The following HIP1 variants were observed in gnomAD, a reference collection of about 807,000 sequenced individuals.
HIP1 encodes the protein huntingtin-interacting protein 1.
A neutral mutation model predicts 147.6 loss-of-function variants in HIP1; 65 were observed. The ratio of observed to expected loss-of-function variants is 0.44; its 90% CI spans 0.36 to 0.54. The LOEUF is 0.54. HIP1 is among the 20% of genes least tolerant of loss of function. The pLI is 0.00. For missense variants in HIP1, 1,061 were observed against 1,299.6 expected (o/e 0.82, Z 2.82); for synonymous variants, 479 against 504.0 (o/e 0.95, Z 0.67).
chr7:75,694,162 C>T (rs1554518513), intron 1 of HIP1, among the ~76,000 whole-genome samples: 1 of 152,096 alleles, frequency 6.6e-6, no homozygotes, highest in East Asian at 1.9e-4. Flanking sequence ...TCGTGATCCA[C>T]CCACCTCGGC....
At chr7:75,557,520 C>T (rs1795060922) in intron 16 of HIP1, 134 bp downstream of exon 16, 1 of 723,100 alleles carries the variant, frequency 1.4e-6, no homozygotes, top group Admixed American at 1.8e-5. Context: ...TCTGTGTGGC[C>T]ACCATGGTGT....
intron 7 of HIP1, 72 bp from the exon 8 acceptor site, chr7:75,573,973 G>A: frequency 7.1e-7 from 1 of 1,406,638 alleles, no homozygotes; most frequent in Non-Finnish European, 9.9e-7. Flanking sequence ...GAGGGGCAGA[G>A]GCAGGGGTCC....
intron 22 of HIP1, 59 bp from the exon 23 acceptor site, chr7:75,549,060 C>T: frequency 1.7e-6 from 2 of 1,194,840 alleles, no homozygotes; most frequent in Non-Finnish European, 2.5e-6. Flanking sequence ...TTCTCCTCTG[C>T]CATCTGTAAC....
chr7:75,547,487 C>T (rs587732275), intron 24 of HIP1, among the ~76,000 whole-genome samples: 6 of 152,214 alleles, frequency 3.9e-5, no homozygotes, highest in East Asian at 1.9e-4. Context: ...AGGCTGGTCT[C>T]GAACTCCCGA....
rs71098063 is a variant in HIP1, at chr7:75,682,018, CTTTTTTTTTT to C, written c.120+56773_120+56782del. On this transcript the variant is annotated intron_variant, in intron 1 of 30. Coordinates refer to ENST00000336926, the MANE Select transcript of HIP1 (RefSeq NM_005338.7). ...AGCTATTTATCTAAGGCAACAACCT[CTTTTTTTTTT>C]TTTTTTTTTTTTTTTTTTGAGGCAG... Among the ~76,000 whole-genome samples the C allele has an allele frequency of 9.5e-5, 8 of 84,214 alleles. 1 individual carries two copies. In the South Asian group the frequency reaches 1.3e-3, roughly 14 times the overall value. 55.2% of individuals were successfully genotyped at this position (84,214 alleles called of 152,430 possible).
At chr7:75,696,930 T>A (rs1800658696) in intron 1 of HIP1, among the ~76,000 whole-genome samples, 1 of 151,470 alleles carries the variant, frequency 6.6e-6, no homozygotes, top group Non-Finnish European at 1.5e-5. Flanking sequence ...TATTTCTGAG[T>A]GCTTTACAAC....
At chr7:75,571,837 G>C (rs1795646355) in intron 8 of HIP1, among the ~76,000 whole-genome samples, 1 of 152,150 alleles carries the variant, frequency 6.6e-6, no homozygotes, top group South Asian at 2.1e-4. Flanking sequence ...GCCTGCATCA[G>C]CCTCCCAAAG....
Position 75,698,089 on chromosome 7 carries a change from G to A in HIP1, c.120+40712C>T, listed in dbSNP as rs1046250309. Among the ~76,000 whole-genome samples, 4 of 152,104 alleles carry A rather than the reference G, an allele frequency of 2.6e-5. No homozygotes were observed. In the East Asian group the frequency reaches 7.7e-4, roughly 29 times the overall value. On this transcript the variant is annotated intron_variant, in intron 1 of 30. Transcript: ENST00000336926. ...AGTGATCCTCCCAGCTAGGTGCCGG[G>A]ATTATAGGCATGAGCCACCATGTCC...
chr7:75,691,224 C>T (rs969211630), intron 1 of HIP1, among the ~76,000 whole-genome samples: 6 of 152,306 alleles, frequency 3.9e-5, no homozygotes, highest in Admixed American at 2.0e-4. Flanking sequence ...CATGGTGGCT[C>T]ATCCCTGTAA....
chr7:75,572,331 G>A (rs1171131935), intron 8 of HIP1, among the ~76,000 whole-genome samples: 1 of 152,036 alleles, frequency 6.6e-6, no homozygotes, highest in Non-Finnish European at 1.5e-5. Flanking sequence ...GTAAGGGATA[G>A]GTCTCCATTT....
intron 1 of HIP1, among the ~76,000 whole-genome samples, chr7:75,608,573 A>G (rs1259606590): frequency 6.6e-6 from 1 of 152,216 alleles, no homozygotes; most frequent in East Asian, 1.9e-4. Context: ...AGATCTGAAG[A>G]AAATTTAGAG....
intron 1 of HIP1, among the ~76,000 whole-genome samples, chr7:75,724,120 C>T (rs1285149411): frequency 6.6e-6 from 1 of 152,008 alleles, no homozygotes; most frequent in Non-Finnish European, 1.5e-5. Context: ...CCACACCCAG[C>T]TAATTTTCAT....
chr7:75,540,060 T>G lies in HIP1; in HGVS notation c.2953-629A>C, dbSNP rs587773247. ...GCTACAGGAAAAAGCCTGGAAAATC[T>G]TACTATAAAGGAAAGGGTGATCTTG... is the stretch of plus-strand genomic sequence containing the variant. On this transcript the variant is annotated intron_variant, in intron 29 of 30. Transcript: ENST00000336926. Among the ~76,000 whole-genome samples the G allele has an allele frequency of 2.0e-5, 3 of 152,300 alleles. 1 individual carries two copies. The South Asian group carries it at 6.2e-4, about 32-fold the overall frequency.
At chr7:75,684,227 G>A (rs1273210150) in intron 1 of HIP1, among the ~76,000 whole-genome samples, 1 of 151,698 alleles carries the variant, frequency 6.6e-6, no homozygotes, top group Non-Finnish European at 1.5e-5. Context: ...TAGGTGGATC[G>A]CCGGAGCTTA....
At chr7:75,693,328 C>G (rs974649556) in intron 1 of HIP1, among the ~76,000 whole-genome samples, 1 of 152,038 alleles carries the variant, frequency 6.6e-6, no homozygotes, top group African/African-American at 2.4e-5. Context: ...ACATTCTTTT[C>G]CCAAATATCC....
At chr7:75,605,361 G>C (rs1554503678) in intron 1 of HIP1, among the ~76,000 whole-genome samples, 2 of 152,186 alleles carry the variant, frequency 1.3e-5, no homozygotes, top group East Asian at 1.9e-4. Context: ...TGAGGGCCGG[G>C]GGGGATGGAG....
At chr7:75,676,129 C>G (rs1179212997) in intron 1 of HIP1, among the ~76,000 whole-genome samples, 2 of 152,166 alleles carry the variant, frequency 1.3e-5, no homozygotes, top group Admixed American at 6.6e-5. Flanking sequence ...ATTGTGGTTG[C>G]TGTTTGTTTA....
intron 21 of HIP1, 29 bp from the exon 22 acceptor site, chr7:75,553,618 T>C: frequency 4.4e-6 from 7 of 1,604,758 alleles, no homozygotes; most frequent in Non-Finnish European, 6.0e-6. Context: ...AGACACTTTT[T>C]TTTTGAGATG....
rs1793994689 is a variant in HIP1, at chr7:75,534,112, G to C, written c.*4060C>G. 4.3e-6 allele frequency: 1 copy of C among 231,176 alleles called. No individual in the cohort carries two copies. Among genetic ancestry groups the C allele is most frequent in the African/African-American group, 2.2e-5 (1 of 45,226 alleles). 14.3% of individuals were successfully genotyped at this position (231,176 alleles called of 1,614,324 possible). On this transcript the variant is annotated 3_prime_UTR_variant, in exon 31 of 31. Transcript: ENST00000336926. ...AAGAGGGAACTTCCAGCTGCAAGCT[G>C]AGAACTAGCTCCTGCACAGGGTCGA...
Sources: gnomAD v4.1 joint callset for allele counts (sites outside exome capture counted in the v4.1 genomes callset) on GRCh38, gnomAD v4.1.1 for gene constraint, MANE v1.5 for transcripts, NCBI Gene and HGNC (gene_info 2026-07-23, HGNC 2026-07-21) for gene names.